The following TDRD3 variants were observed in gnomAD, a reference collection of about 807,000 sequenced individuals.
TDRD3 encodes tudor domain-containing protein 3.
In TDRD3, 45 loss-of-function variants were observed where a neutral mutation model predicts 86.7. That is an observed-to-expected ratio of 0.52 (90% confidence interval 0.41 to 0.67). The LOEUF (loss-of-function observed/expected upper bound fraction) is 0.67, where lower values mean the gene tolerates loss of function less well. Among genes scored for constraint, TDRD3 ranks in the 30% least tolerant of loss-of-function variants. The pLI is 0.00. For synonymous variants in TDRD3, 298 were observed against 301.7 expected, an observed-to-expected ratio of 0.99 and a Z score of 0.13; for missense variants, 814 against 889.0, an observed-to-expected ratio of 0.92 and a Z score of 1.07.
intron 10 of TDRD3, among the ~76,000 whole-genome samples, chr13:60,527,233 C>T (rs2137769401): frequency 6.6e-6 from 1 of 152,250 alleles, no homozygotes; most frequent in African/African-American, 2.4e-5. Flanking sequence ...TACCAGATAC[C>T]TTTTGGCCTC....
At chr13:60,510,121 A>C (rs1272676288) in intron 9 of TDRD3, among the ~76,000 whole-genome samples, 1 of 152,178 alleles carries the variant, frequency 6.6e-6, no homozygotes, top group African/African-American at 2.4e-5. Flanking sequence ...TGGATCTAAC[A>C]ACAACAACAA....
chr13:60,510,011 G>C, intron 9 of TDRD3, 92 bp downstream of exon 9: 20 of 1,461,104 alleles, frequency 1.4e-5, no homozygotes, highest in Non-Finnish European at 1.8e-5. Context: ...TGTGAGGGCT[G>C]TAATTTTGTT....
intron 12 of TDRD3, among the ~76,000 whole-genome samples, chr13:60,553,832 G>A (rs771489783): frequency 3.3e-5 from 5 of 152,076 alleles, no homozygotes. Context: ...AAAAGATTTT[G>A]GTGGGGACAC....
chr13:60,459,898 GGT>G (rs1291935584), intron 3 of TDRD3, among the ~76,000 whole-genome samples: 1 of 152,104 alleles, frequency 6.6e-6, no homozygotes, highest in Non-Finnish European at 1.5e-5. Flanking sequence ...TGGGATTACA[GGT>G]GTGAGCTACC....
At chr13:60,466,185 A>T (rs77953098) in intron 4 of TDRD3, among the ~76,000 whole-genome samples, 1 of 152,172 alleles carries the variant, frequency 6.6e-6, no homozygotes, top group Non-Finnish European at 1.5e-5. Flanking sequence ...ACAAAAAAAG[A>T]GCATTATTTT....
intron 1 of TDRD3, among the ~76,000 whole-genome samples, chr13:60,407,104 CA>C (rs1196635732): frequency 6.6e-6 from 1 of 152,138 alleles, no homozygotes; most frequent in Non-Finnish European, 1.5e-5. Context: ...GGAATTGACT[CA>C]GTTCAAGCTT....
At chr13:60,431,265 TATA>T (rs773779672) in intron 1 of TDRD3, among the ~76,000 whole-genome samples, 4 of 151,848 alleles carry the variant, frequency 2.6e-5, no homozygotes, top group Non-Finnish European at 5.9e-5. Flanking sequence ...TCAACAGGAG[TATA>T]ATATTTTACT....
intron 11 of TDRD3, among the ~76,000 whole-genome samples, chr13:60,534,478 G>A (rs1349315407): frequency 6.6e-6 from 1 of 152,148 alleles, no homozygotes; most frequent in Non-Finnish European, 1.5e-5. Context: ...CTGGATCTAA[G>A]TGATGCATTT....
At chr13:60,476,522 G>T (rs956244741) in intron 5 of TDRD3, among the ~76,000 whole-genome samples, 12 of 152,066 alleles carry the variant, frequency 7.9e-5, no homozygotes, top group African/African-American at 2.9e-4. Context: ...GCTTAGGATT[G>T]TATTGGTGAT....
chr13:60,406,291 G>T (rs1041740465), intron 1 of TDRD3, among the ~76,000 whole-genome samples: 15 of 152,260 alleles, frequency 9.9e-5, no homozygotes, highest in African/African-American at 3.1e-4. Flanking sequence ...TATGGCTACT[G>T]ATCACTTGAA....
At chr13:60,548,109 G>A (rs1957973385) in intron 12 of TDRD3, among the ~76,000 whole-genome samples, 1 of 152,168 alleles carries the variant, frequency 6.6e-6, no homozygotes, top group Non-Finnish European at 1.5e-5. Flanking sequence ...GTTCTTCAGA[G>A]GTCTCACTGA....
At chr13:60,447,312 A>G (rs1014717702) in intron 3 of TDRD3, among the ~76,000 whole-genome samples, 20 of 152,170 alleles carry the variant, frequency 1.3e-4, no homozygotes, top group African/African-American at 4.8e-4. Flanking sequence ...ACATAGGGTC[A>G]TTGCCCTGGA....
intron 12 of TDRD3, among the ~76,000 whole-genome samples, chr13:60,557,819 G>GTTTTTT (rs1491187240): frequency 7.2e-4 from 65 of 89,846 alleles, no homozygotes; most frequent in Non-Finnish European, 8.2e-4. Flanking sequence ...TTTTTTTCCT[G>GTTTTTT]ATTTTTTTTT....
intron 3 of TDRD3, among the ~76,000 whole-genome samples, chr13:60,445,056 T>C (rs546038669): frequency 2.5e-3 from 382 of 152,278 alleles, no homozygotes; most frequent in Non-Finnish European, 4.7e-3. Flanking sequence ...TTTTCTTACC[T>C]TTCAATTTTA....
intron 3 of TDRD3, among the ~76,000 whole-genome samples, chr13:60,447,562 G>C (rs1955432166): frequency 6.6e-6 from 1 of 152,132 alleles, no homozygotes. Flanking sequence ...TGTCAGCTAG[G>C]TATCTTGTTA....
chr13:60,508,157 T>C (rs1346776205), intron 8 of TDRD3, among the ~76,000 whole-genome samples: 1 of 152,128 alleles, frequency 6.6e-6, no homozygotes, highest in Non-Finnish European at 1.5e-5. Context: ...TGCTCACGGA[T>C]AGGAAGAATC....
rs148750884 is a variant in TDRD3, at chr13:60,499,460, C to G, written c.858+4885C>G. ...TTCAGCTGGCAAGGCCAGAAATATA[C>G]CTTTACTGTCCTTCCTCAGGGGTAT... On this transcript the variant is annotated intron_variant, in intron 8 of 13. Transcript: ENST00000377881. Among the ~76,000 whole-genome samples, 1,393 of 152,358 alleles carry G rather than the reference C, an allele frequency of 9.1e-3. 17 individuals are homozygous for G. Among genetic ancestry groups the G allele is most frequent in the Middle Eastern group, 0.024 (7 of 294 alleles).
chr13:60,554,462 T>C (rs562558608), intron 12 of TDRD3, among the ~76,000 whole-genome samples: 1 of 152,194 alleles, frequency 6.6e-6, no homozygotes, highest in Non-Finnish European at 1.5e-5. Flanking sequence ...GATACTCCAG[T>C]GTACCTTTCT....
chr13:60,433,627 CTAA>C (rs2137928562), intron 1 of TDRD3, among the ~76,000 whole-genome samples: 1 of 152,314 alleles, frequency 6.6e-6, no homozygotes, highest in East Asian at 1.9e-4. Flanking sequence ...TTTAAATAAA[CTAA>C]TGTGTTTAAT....
Sources: allele counts gnomAD v4.1 joint callset (sites outside exome capture counted in the v4.1 genomes callset), GRCh38; gene constraint gnomAD v4.1.1; transcripts MANE v1.5; gene names NCBI Gene and HGNC (gene_info 2026-07-23, HGNC 2026-07-21).